The following XPNPEP3 variants were observed in gnomAD, a reference collection of about 807,000 sequenced individuals.
The protein encoded by XPNPEP3 is xaa-Pro aminopeptidase 3.
Under a neutral mutation model 60.0 loss-of-function variants are expected in XPNPEP3, and 41 were observed. That is an observed-to-expected ratio of 0.68 (90% CI 0.53 to 0.89). The LOEUF (loss-of-function observed/expected upper bound fraction) is 0.89. Ranked by LOEUF, XPNPEP3 falls within the 40% of genes least tolerant of loss-of-function variation. XPNPEP3 has a pLI of 0.00. For missense variants in XPNPEP3, 598 were observed against 638.9 expected, an observed-to-expected ratio of 0.94 and a Z score of 0.69; for synonymous variants, 212 against 223.2, an observed-to-expected ratio of 0.95 and a Z score of 0.45.
chr22:40,898,087 A>T (rs959813961), intron 4 of XPNPEP3, among the ~76,000 whole-genome samples: 1 of 150,778 alleles, frequency 6.6e-6, no homozygotes, highest in African/African-American at 2.5e-5. Context: ...TAATTTTTAT[A>T]AAGTCCAGTT....
intron 3 of XPNPEP3, among the ~76,000 whole-genome samples, chr22:40,883,945 A>G (rs1601500242): frequency 6.6e-6 from 1 of 152,168 alleles, no homozygotes; most frequent in Admixed American, 6.5e-5. Context: ...TTTTTCTTAC[A>G]TGGGTTACAA....
chr22:40,860,916 C>T, intron 1 of XPNPEP3: 1 of 746,470 alleles, frequency 1.3e-6, no homozygotes, highest in Non-Finnish European at 2.1e-6. Context: ...TCTGACATAC[C>T]CATTCAAAAA....
At chr22:40,905,204 C>T (rs1055547772) in intron 4 of XPNPEP3, among the ~76,000 whole-genome samples, 1 of 151,914 alleles carries the variant, frequency 6.6e-6, no homozygotes, top group Admixed American at 6.6e-5. Flanking sequence ...CTCAGCCTCC[C>T]GAGTAACTAG....
At chr22:40,917,467 A>T (rs935058855) in intron 7 of XPNPEP3, 11 of 152,172 alleles carry the variant, frequency 7.2e-5, no homozygotes, top group Non-Finnish European at 1.6e-4. Context: ...TTGGGAGGAG[A>T]TGGTAATGAA....
Position 40,914,283 on chromosome 22 carries a change from C to T in XPNPEP3, c.1014C>T (p.Cys338=). The T allele has an allele frequency of 6.2e-7, 1 of 1,614,080 alleles. No homozygotes were observed. The highest frequency in any genetic ancestry group is 8.5e-7 in the Non-Finnish European group (1 of 1,180,012). The change falls in exon 7 of 10, where the codon TGC becomes TGT. Residue 338 remains cysteine (C), a synonymous_variant. Transcript: ENST00000357137. The part of the protein sequence containing the change: ...VLLDGGCESS[C]YVSDITRTWP... The stretch of plus-strand genomic sequence containing the variant: ...TGGATGGAGGTTGTGAGTCTTCCTG[C>T]TATGTGAGTGACATCACACGTACGT...
At chr22:40,859,991 A>T (rs770400444) in intron 1 of XPNPEP3, 1 of 152,248 alleles carries the variant, frequency 6.6e-6, no homozygotes, top group African/African-American at 2.4e-5. Flanking sequence ...GACTGCTCTG[A>T]GGAATTCAGG....
At chr22:40,926,142 C>A in intron 9 of XPNPEP3, 127 bp from the exon 10 acceptor site, 1 of 961,474 alleles carries the variant, frequency 1.0e-6, no homozygotes, top group Non-Finnish European at 1.7e-6. Context: ...CACAGCTTTA[C>A]TAGGTAGGTA....
At chr22:40,914,074 G>A (rs777712691) in intron 6 of XPNPEP3, among the ~76,000 whole-genome samples, 165 bp from the exon 7 acceptor site, 5 of 151,742 alleles carry the variant, frequency 3.3e-5, no homozygotes, top group Non-Finnish European at 7.4e-5. Flanking sequence ...CGCGGGAAGC[G>A]GAGGTTGTGG....
rs756904530 is a variant in XPNPEP3, at chr22:40,886,297, G to T, written c.590-16G>T. 4 of 1,612,400 alleles carry T rather than the reference G, an allele frequency of 2.5e-6. No individual in the cohort carries two copies. Among genetic ancestry groups the T allele is most frequent in the South Asian group, 1.1e-5 (1 of 91,014 alleles). On this transcript the variant is annotated splice_polypyrimidine_tract_variant and intron_variant, in intron 3 of 9. Coordinates refer to ENST00000357137, the MANE Select transcript of XPNPEP3 (RefSeq NM_022098.4). ...TAGTTTTGTTTTAAATTTATTTTTC[G>T]GCTTCTCATTCTAAGCTGAGACGAA... is the stretch of plus-strand genomic sequence containing the variant.
intron 6 of XPNPEP3, among the ~76,000 whole-genome samples, chr22:40,909,738 G>T (rs1372906231): frequency 6.6e-6 from 1 of 152,014 alleles, no homozygotes; most frequent in Non-Finnish European, 1.5e-5. Flanking sequence ...GCACTCCAGT[G>T]CTCCAGCCTG....
rs1157759521 is a variant in XPNPEP3 at position 40,932,142 on chromosome 22, C to T, written c.*5707C>T. The T allele has an allele frequency of 6.6e-6, 1 of 152,162 alleles. No individual in the cohort carries two copies. The allele number at this position is 152,162 out of a possible 1,614,324, so 9.4% of individuals were successfully genotyped here. Reference sequence around the variant, plus strand: ...ACCAGTCCAGCGGTGACCTCGGAGTCCTTTGTAACAGTGTTTCCAATAACT... The same window carrying T: ...ACCAGTCCAGCGGTGACCTCGGAGTTCTTTGTAACAGTGTTTCCAATAACT... On this transcript the variant is annotated 3_prime_UTR_variant, in exon 10 of 10. Coordinates refer to ENST00000357137, the MANE Select transcript of XPNPEP3 (RefSeq NM_022098.4).
At chr22:40,912,754 C>CA (rs1165770968) in intron 6 of XPNPEP3, among the ~76,000 whole-genome samples, 1 of 152,064 alleles carries the variant, frequency 6.6e-6, no homozygotes, top group African/African-American at 2.4e-5. Flanking sequence ...CCTGTAGTCC[C>CA]AGCTACTCAG....
chr22:40,924,472 A>T lies in XPNPEP3; in HGVS notation c.1347A>T (p.Thr449=), dbSNP rs1707764949. The change falls in exon 9 of 10, where the codon ACA becomes ACT. Residue 449 remains threonine, a synonymous_variant. Transcript: ENST00000357137. ...CTCTGCAGCCTGGGATGGTAATCAC[A>T]ATTGAGCCCGGTAAGGAGAGGTGTT... is the stretch of plus-strand genomic sequence containing the variant. The part of the protein sequence containing the change: ...SLPLQPGMVI[T]IEPGIYIPED... 2.5e-6 allele frequency: 4 copies of T among 1,614,166 alleles called. No homozygotes were observed. The highest frequency in any genetic ancestry group is 3.4e-6 in the Non-Finnish European group (4 of 1,180,034).
chr22:40,927,813 T>C lies in XPNPEP3; in HGVS notation c.*1378T>C, dbSNP rs2058239668. ...TGGCGTGAACCCAGAAGGCAGAGCT[T>C]GCAGTGAGCCAAGATCGCGCCACTG... On this transcript the variant is annotated 3_prime_UTR_variant, in exon 10 of 10. Coordinates refer to ENST00000357137, the MANE Select transcript of XPNPEP3 (RefSeq NM_022098.4). 7.0e-6 allele frequency: 1 copy of C among 143,190 alleles called. No homozygotes were observed. Among genetic ancestry groups the C allele is most frequent in the Non-Finnish European group, 1.5e-5 (1 of 67,048 alleles). 8.9% of individuals were successfully genotyped at this position (143,190 alleles called of 1,614,324 possible).
In XPNPEP3 at chr22:40,857,226, A is replaced by G. The variant is rs767974781; in HGVS notation, c.45A>G (p.Ala15=). The change falls in exon 1 of 10, where the codon GCA becomes GCG. Residue 15 remains alanine (A), a synonymous_variant. Coordinates refer to ENST00000357137, the MANE Select transcript of XPNPEP3 (RefSeq NM_022098.4). The part of the protein sequence containing the change: ...LSAPKLVPAV[A]NVRGLSGCML... ...CCCCCAAGCTGGTTCCCGCTGTAGC[A>G]AACGTCCGCGGCCTCTCAGGTTAGA... The G allele has an allele frequency of 1.2e-6, 2 of 1,614,204 alleles. No individual in the cohort carries two copies. Among genetic ancestry groups the G allele is most frequent in the East Asian group, 4.5e-5 (2 of 44,878 alleles).
rs762134117 is a variant in XPNPEP3 at position 40,882,112 on chromosome 22, C to T, written c.524C>T (p.Ala175Val). The T allele has an allele frequency of 6.2e-7, 1 of 1,614,080 alleles. No homozygotes were observed. Residue 175 changes from alanine to valine, a missense_variant, in exon 3 of 10, where the codon GCT (alanine) becomes GTT (valine). Transcript: ENST00000357137. ...GPRSGTDGAI[A>V]LTGVDEAYTL... ...CGATCTGGCACTGATGGAGCAATAG[C>T]TCTAACTGGAGTAGACGAAGCCTAT...
intron 8 of XPNPEP3, 65 bp downstream of exon 8, chr22:40,922,578 T>C: frequency 1.3e-6 from 2 of 1,567,286 alleles, no homozygotes; most frequent in South Asian, 1.1e-5. Context: ...TTTTACCCTA[T>C]ATAAAGCTAA....
At position 40,922,767 on chromosome 22, in the gene XPNPEP3, C is replaced by T. The variant is rs112236993; in HGVS notation, c.1236+254C>T. On this transcript the variant is annotated intron_variant, in intron 8 of 9. Coordinates refer to ENST00000357137, the MANE Select transcript of XPNPEP3 (RefSeq NM_022098.4). ...ACACATATATATATACACACACATA[C>T]GTAGATATATATACATACACACACA... Among the ~76,000 whole-genome samples the T allele has an allele frequency of 4.9e-3, 747 of 151,706 alleles. 5 individuals carry two copies. Among genetic ancestry groups the T allele is most frequent in the African/African-American group, 8.6e-3 (357 of 41,322 alleles).
intron 4 of XPNPEP3, 60 bp from the exon 5 acceptor site, chr22:40,907,527 T>A: frequency 6.5e-7 from 1 of 1,536,834 alleles, no homozygotes; most frequent in Admixed American, 1.7e-5. Flanking sequence ...GTATTTTGAA[T>A]GTTTGAGTAA....
Sources: gnomAD v4.1 joint callset for allele counts (sites outside exome capture counted in the v4.1 genomes callset) on GRCh38, gnomAD v4.1.1 for gene constraint, MANE v1.5 for transcripts, NCBI Gene and HGNC (gene_info 2026-07-23, HGNC 2026-07-21) for gene names.